Variants in GRK4 observed in about 807,000 individuals in gnomAD.
GRK4 encodes the protein G protein-coupled receptor kinase 2-like.
GRK4 carries 73 observed loss-of-function variants against 77.9 expected under a neutral mutation model. The observed-to-expected ratio is 0.94, with a 90% CI of 0.78 to 1.14. The LOEUF is 1.14. Ranked by LOEUF, GRK4 falls within the 50% of genes most tolerant of loss-of-function variation. The pLI is 0.00. For missense variants in GRK4, 729 were observed against 700.2 expected (o/e 1.04, Z -0.46); for synonymous variants, 257 against 254.4 (o/e 1.01, Z -0.10).
intron 4 of GRK4, among the ~76,000 whole-genome samples, chr4:2,993,212 T>C (rs1382512207): frequency 6.6e-6 from 1 of 152,256 alleles, no homozygotes; most frequent in Non-Finnish European, 1.5e-5. Flanking sequence ...TCTTAGCTTT[T>C]ATGCTTTTGA....
At chr4:3,029,803 C>T (rs1364491364) in intron 12 of GRK4, among the ~76,000 whole-genome samples, 1 of 152,190 alleles carries the variant, frequency 6.6e-6, no homozygotes, top group Non-Finnish European at 1.5e-5. Context: ...AGGAAGCTCA[C>T]GTCTACCTGC....
At chr4:2,988,507 G>T (rs973910948) in intron 2 of GRK4, among the ~76,000 whole-genome samples, 4 of 152,142 alleles carry the variant, frequency 2.6e-5, no homozygotes, top group African/African-American at 9.7e-5. Context: ...GGAGGCAGAG[G>T]CTGCAGTGAG....
chr4:2,988,384 C>G (rs1725061568), intron 2 of GRK4, among the ~76,000 whole-genome samples: 1 of 152,108 alleles, frequency 6.6e-6, no homozygotes, highest in Admixed American at 6.6e-5. Flanking sequence ...CTGTTCCAAT[C>G]TTTTATCCGT....
rs779728763 is a variant in GRK4 at position 3,037,444 on chromosome 4, A to G, written c.1478A>G (p.Asp493Gly). ...TCGGTGGTGAAAGGGATCTACCTGG[A>G]CACCGCAGATGAAGACTTCTATGCT... ...QFSVVKGIYL[D>G]TADEDFYARF... Residue 493 changes from aspartate to glycine, a missense_variant, in exon 14 of 16, where the codon GAC becomes GGC. Asp to Gly is a moderately conservative substitution (Grantham distance 94). Coordinates refer to ENST00000398052, the MANE Select transcript of GRK4 (RefSeq NM_182982.3). 2.5e-6 allele frequency: 4 copies of G among 1,611,796 alleles called. No homozygotes were observed. Among genetic ancestry groups the G allele is most frequent in the African/African-American group, 2.7e-5 (2 of 74,780 alleles).
At chr4:3,022,963 A>T (rs1736498343) in intron 10 of GRK4, among the ~76,000 whole-genome samples, 2 of 152,214 alleles carry the variant, frequency 1.3e-5, no homozygotes, top group South Asian at 4.1e-4. Flanking sequence ...CACTAGGGTT[A>T]CAGGCATAAG....
chr4:2,971,089 A>G (rs1375291753), intron 1 of GRK4: 2 of 152,176 alleles, frequency 1.3e-5, no homozygotes, highest in Non-Finnish European at 2.9e-5. Context: ...CTCTAGAATT[A>G]GGGCTTTCTT....
intron 2 of GRK4, among the ~76,000 whole-genome samples, chr4:2,987,829 A>T (rs1368755496): frequency 1.3e-5 from 2 of 152,058 alleles, no homozygotes; most frequent in African/African-American, 2.4e-5. Flanking sequence ...TAATCTCAGC[A>T]CTTTGGCAAG....
In GRK4 at chr4:3,019,654, A is replaced by G. The variant is rs1182793552; in HGVS notation, c.755A>G (p.Tyr252Cys). The part of the protein sequence containing the change: ...VQSRFVVSLA[Y>C]AYETKDALCL... The stretch of plus-strand genomic sequence containing the variant: ...TGCTGTCTTTAGGTTAGTTTAGCCT[A>G]CGCTTATGAAACCAAAGATGCCTTG... Residue 252 changes from tyrosine (Y) to cysteine (C), a missense_variant, in exon 9 of 16, where the codon TAC becomes TGC. Tyr to Cys is a radical substitution (Grantham distance 194). Transcript: ENST00000398052. 6.8e-6 allele frequency: 11 copies of G among 1,613,242 alleles called. No homozygotes were observed. The South Asian group carries it at 8.8e-5, about 13-fold the overall frequency.
intron 10 of GRK4, among the ~76,000 whole-genome samples, chr4:3,026,728 T>C (rs1436646390): frequency 1.3e-5 from 2 of 152,142 alleles, no homozygotes; most frequent in Admixed American, 1.3e-4. Context: ...CCTCCCAGGG[T>C]GGGCGCGCAG....
rs769679366 is a variant in GRK4 at position 3,019,774 on chromosome 4, A to G, written c.875A>G (p.Tyr292Cys). The change falls in exon 9 of 16, where the codon TAT becomes TGT. Residue 292 changes from tyrosine (Y) to cysteine (C), a missense_variant. Coordinates refer to ENST00000398052, the MANE Select transcript of GRK4 (RefSeq NM_182982.3). Reference protein sequence around the residue: ...PGFDEQRAVFYAAELCCGLED... With the variant: ...PGFDEQRAVFCAAELCCGLED... ...TTTGATGAGCAGAGAGCCGTTTTCT[A>G]TGCTGCAGAGCTGTGTTGCGGCTTG... is the stretch of plus-strand genomic sequence containing the variant. 6.2e-7 allele frequency: 1 copy of G among 1,614,188 alleles called. No individual in the cohort carries two copies. Among genetic ancestry groups the G allele is most frequent in the Admixed American group, 1.7e-5 (1 of 60,026 alleles).
intron 9 of GRK4, among the ~76,000 whole-genome samples, chr4:3,021,381 C>T (rs763169321): frequency 2.0e-5 from 3 of 152,244 alleles, no homozygotes; most frequent in Non-Finnish European, 4.4e-5. Flanking sequence ...CCTCCAACTG[C>T]TCCCCGTGTT....
chr4:3,009,681 C>G lies in GRK4; in HGVS notation c.570C>G (p.Tyr190Ter), dbSNP rs1241517335. The change falls in exon 7 of 16, where the codon TAC becomes TAG. Residue 190 changes from tyrosine (Y) to a stop codon, truncating the protein, a stop_gained. Transcript: ENST00000398052. LOFTEE classifies it high-confidence loss of function. ...TAACAAAGAACACATTTAGACATTACAGAGTTCTAGGAAAAGGCGGATTTG... is the reference window on the plus strand; with the variant it reads ...TAACAAAGAACACATTTAGACATTAGAGAGTTCTAGGAAAAGGCGGATTTG... ...QPVTKNTFRH[Y>*]RVLGKGGFGE... The G allele has an allele frequency of 6.2e-7, 1 of 1,613,794 alleles. No homozygotes were observed. Among genetic ancestry groups the G allele is most frequent in the Admixed American group, 1.7e-5 (1 of 60,000 alleles).
At chr4:3,027,294 A>T (rs1453356032) in intron 10 of GRK4, among the ~76,000 whole-genome samples, 1 of 152,206 alleles carries the variant, frequency 6.6e-6, no homozygotes, top group African/African-American at 2.4e-5. Flanking sequence ...TAATCCTCCG[A>T]CCTTGGCCTC....
chr4:2,989,895 C>G (rs548187976), intron 3 of GRK4, among the ~76,000 whole-genome samples: 10 of 152,262 alleles, frequency 6.6e-5, no homozygotes, highest in African/African-American at 2.2e-4. Context: ...AATTCAGAAG[C>G]AAGTGACCAA....
intron 2 of GRK4, among the ~76,000 whole-genome samples, chr4:2,987,651 G>A (rs1300615421): frequency 6.6e-6 from 1 of 152,168 alleles, no homozygotes; most frequent in African/African-American, 2.4e-5. Context: ...CTCAGAAGCA[G>A]AATTGTTGGC....
At chr4:2,970,429 G>A (rs1344554475) in intron 1 of GRK4, among the ~76,000 whole-genome samples, 1 of 152,068 alleles carries the variant, frequency 6.6e-6, no homozygotes, top group African/African-American at 2.4e-5. Context: ...GGAGGCCAAG[G>A]CGGGCGGATC....
At chr4:3,000,531 T>C (rs768522822) in intron 4 of GRK4, among the ~76,000 whole-genome samples, 23 of 151,492 alleles carry the variant, frequency 1.5e-4, no homozygotes, top group Non-Finnish European at 2.4e-4. Flanking sequence ...ATGAACAAAC[T>C]TCTTTTCTTT....
At chr4:3,005,469 G>A (rs1422908006) in intron 5 of GRK4, among the ~76,000 whole-genome samples, 2 of 152,022 alleles carry the variant, frequency 1.3e-5, no homozygotes, top group Non-Finnish European at 1.5e-5. Flanking sequence ...TAGTGGGGCT[G>A]GGGCTGGACC....
At chr4:3,003,703 C>G (rs1006340115) in intron 4 of GRK4, among the ~76,000 whole-genome samples, 3 of 151,732 alleles carry the variant, frequency 2.0e-5, no homozygotes, top group Non-Finnish European at 2.9e-5. Context: ...TGTTTGAGAC[C>G]CTGCTTTCCA....
Sources: allele counts gnomAD v4.1 joint callset (sites outside exome capture counted in the v4.1 genomes callset), GRCh38; gene constraint gnomAD v4.1.1; transcripts MANE v1.5; gene names NCBI Gene and HGNC (gene_info 2026-07-23, HGNC 2026-07-21).